The following UNC13C variants were observed in gnomAD, a reference collection of about 807,000 sequenced individuals.
UNC13C encodes the protein unc-13 homolog C, also known as protein unc-13 homolog C.
In UNC13C, 174 loss-of-function variants were observed where a neutral mutation model predicts 245.4. The observed-to-expected ratio is 0.71, with a 90% CI of 0.63 to 0.80. The LOEUF (loss-of-function observed/expected upper bound fraction) is 0.80, where lower values mean the gene tolerates loss of function less well. Among genes scored for constraint, UNC13C ranks in the 30% least tolerant of loss-of-function variants. The pLI, the probability that UNC13C is intolerant of heterozygous loss-of-function variation, is 0.00. For missense variants in UNC13C, 2,829 were observed against 2,602.9 expected (o/e 1.09, Z -1.89); for synonymous variants, 992 against 895.1 (o/e 1.11, Z -1.93).
At chr15:54,083,406 G>A (rs1257446730) in intron 2 of UNC13C, among the ~76,000 whole-genome samples, 1 of 152,156 alleles carries the variant, frequency 6.6e-6, no homozygotes, top group Non-Finnish European at 1.5e-5. Context: ...TTGTCAGGGT[G>A]CTGCTGCTCT....
At chr15:54,365,975 T>G (rs1243076754) in intron 17 of UNC13C, among the ~76,000 whole-genome samples, 2 of 152,190 alleles carry the variant, frequency 1.3e-5, no homozygotes, top group Non-Finnish European at 2.9e-5. Flanking sequence ...TTAACTGTTG[T>G]GACCTTTGCA....
chr15:54,118,918 T>C (rs1363163692), intron 2 of UNC13C, among the ~76,000 whole-genome samples: 1 of 150,800 alleles, frequency 6.6e-6, no homozygotes, highest in East Asian at 1.9e-4. Context: ...TTTTTTTTGG[T>C]TCTGTTAATG....
the UNC13C span, among the ~76,000 whole-genome samples, chr15:53,843,377 G>A: frequency 2.0e-5 from 3 of 152,038 alleles, no homozygotes; most frequent in Admixed American, 1.3e-4. Context: ...TGGGAGGACT[G>A]CTTGAGCCCA....
intron 2 of UNC13C, among the ~76,000 whole-genome samples, chr15:54,086,023 G>T (rs568304012): frequency 2.0e-5 from 3 of 152,134 alleles, no homozygotes; most frequent in Non-Finnish European, 4.4e-5. Context: ...GATCAAATTT[G>T]GATCATCTGG....
At chr15:53,857,206 C>G in the UNC13C span, among the ~76,000 whole-genome samples, 1 of 152,170 alleles carries the variant, frequency 6.6e-6, no homozygotes, top group African/African-American at 2.4e-5. Flanking sequence ...TGAGCCTACT[C>G]TGGCTCAGGA....
the UNC13C span, among the ~76,000 whole-genome samples, chr15:53,907,165 C>T: frequency 6.6e-6 from 1 of 152,108 alleles, no homozygotes; most frequent in African/African-American, 2.4e-5. Context: ...AAGCCTGTTT[C>T]TGAACTTTTT....
intron 8 of UNC13C, among the ~76,000 whole-genome samples, chr15:54,263,281 C>T (rs538361489): frequency 6.6e-6 from 1 of 152,200 alleles, no homozygotes; most frequent in African/African-American, 2.4e-5. Flanking sequence ...TGGTACATGA[C>T]CTTTTGCTTT....
intron 8 of UNC13C, among the ~76,000 whole-genome samples, chr15:54,260,066 C>T (rs1285757625): frequency 6.6e-6 from 1 of 151,966 alleles, no homozygotes; most frequent in African/African-American, 2.4e-5. Context: ...GAAGTATTTC[C>T]TCTATTTATT....
chr15:54,143,507 A>G, intron 3 of UNC13C, 113 bp from the exon 4 acceptor site: 2 of 729,916 alleles, frequency 2.7e-6, no homozygotes, highest in Non-Finnish European at 4.6e-6. Flanking sequence ...AGCATCTGTC[A>G]TACTAGGTGT....
the UNC13C span, among the ~76,000 whole-genome samples, chr15:53,863,207 G>A: frequency 6.6e-6 from 1 of 152,164 alleles, no homozygotes; most frequent in Non-Finnish European, 1.5e-5. Context: ...CCAAAGCCTA[G>A]CAAGGCAAAT....
chr15:53,966,225 T>A, the UNC13C span, among the ~76,000 whole-genome samples: 1 of 152,198 alleles, frequency 6.6e-6, no homozygotes, highest in African/African-American at 2.4e-5. Context: ...ACTGGCTTGA[T>A]TAAATTCAGG....
At chr15:54,324,961 T>C (rs2038256983) in intron 14 of UNC13C, among the ~76,000 whole-genome samples, 1 of 152,052 alleles carries the variant, frequency 6.6e-6, no homozygotes, top group Non-Finnish European at 1.5e-5. Context: ...GTGAGACTTA[T>C]GCATGATTTT....
chr15:53,864,257 A>C, the UNC13C span, among the ~76,000 whole-genome samples: 1 of 152,130 alleles, frequency 6.6e-6, no homozygotes, highest in Admixed American at 6.6e-5. Context: ...CATAAGCAAT[A>C]TTATTTATTA....
chr15:53,900,640 G>A, the UNC13C span, among the ~76,000 whole-genome samples: 4 of 152,288 alleles, frequency 2.6e-5, no homozygotes, highest in South Asian at 8.3e-4. Flanking sequence ...TATAAAAATA[G>A]AGGCCCAGTG....
At chr15:54,579,680 A>T (rs1432937936) in intron 30 of UNC13C, among the ~76,000 whole-genome samples, 3 of 152,122 alleles carry the variant, frequency 2.0e-5, no homozygotes, top group Non-Finnish European at 2.9e-5. Context: ...AATGGCTTGA[A>T]CCTGGAAGGC....
chr15:54,495,320 C>A (rs535009654), intron 20 of UNC13C, among the ~76,000 whole-genome samples: 1 of 152,092 alleles, frequency 6.6e-6, no homozygotes, highest in Admixed American at 6.6e-5. Context: ...AATAAAGACC[C>A]CCACCCTGAA....
chr15:54,006,861 C>T (rs1024223006), intron 1 of UNC13C, among the ~76,000 whole-genome samples: 1 of 152,070 alleles, frequency 6.6e-6, no homozygotes, highest in African/African-American at 2.4e-5. Flanking sequence ...TTTGGAGGAG[C>T]CTGCTTATAA....
intron 29 of UNC13C, among the ~76,000 whole-genome samples, chr15:54,557,863 A>T (rs886235061): frequency 6.6e-6 from 1 of 152,036 alleles, no homozygotes; most frequent in African/African-American, 2.4e-5. Context: ...TGGGTGTTAG[A>T]TAGGTCAAGA....
chr15:54,215,207 C>T (rs2140762202), intron 4 of UNC13C, among the ~76,000 whole-genome samples: 1 of 152,012 alleles, frequency 6.6e-6, no homozygotes, highest in East Asian at 1.9e-4. Context: ...CTGACACTGA[C>T]ATTGTTCCCA....
Sources: gnomAD v4.1 joint callset for allele counts (sites outside exome capture counted in the v4.1 genomes callset) on GRCh38, gnomAD v4.1.1 for gene constraint, MANE v1.5 for transcripts, NCBI Gene and HGNC (gene_info 2026-07-23, HGNC 2026-07-21) for gene names.